CARHSP1: variants seen among roughly 807,000 people sequenced by gnomAD.
The protein encoded by CARHSP1 is calcium regulated heat stable protein 1, also known as calcium-regulated heat-stable protein 1.
Under a neutral mutation model 12.5 loss-of-function variants are expected in CARHSP1, and 14 were observed. The ratio of observed to expected loss-of-function variants is 1.12; its 90% CI spans 0.74 to 1.75. CARHSP1 has a LOEUF of 1.75. CARHSP1 is among the 40% of genes most tolerant of loss of function. The probability of loss-of-function intolerance (pLI) is 0.00; values close to 1 mark genes in which losing one functional copy is unlikely to be tolerated. For missense variants in CARHSP1, 343 were observed against 201.6 expected (o/e 1.70, Z -4.25); for synonymous variants, 161 against 82.0 (o/e 1.96, Z -5.20).
intron 1 of CARHSP1, chr16:8,860,193 G>A (rs1192843372): frequency 2.4e-5 from 24 of 985,368 alleles, no homozygotes; most frequent in Non-Finnish European, 2.9e-5. Flanking sequence ...GCTGTCACAA[G>A]CCTGCACCCA....
chr16:8,858,263 C>T, intron 3 of CARHSP1, 87 bp downstream of exon 3: 2 of 1,483,560 alleles, frequency 1.3e-6, no homozygotes, highest in Non-Finnish European at 1.8e-6. Flanking sequence ...CACCCAGCGC[C>T]CATCAGAGTC....
intron 1 of CARHSP1, among the ~76,000 whole-genome samples, chr16:8,865,510 C>T (rs1017925539): frequency 5.3e-5 from 8 of 152,184 alleles, no homozygotes; most frequent in African/African-American, 1.2e-4. Context: ...CTTGGCAAAG[C>T]GAGAACCTCT....
chr16:8,861,189 TTTTTTTTTTTA>T (rs2061343094), intron 1 of CARHSP1, among the ~76,000 whole-genome samples: 4 of 36,786 alleles, frequency 1.1e-4, no homozygotes, highest in Admixed American at 3.2e-4. Context: ...TTTTTTTTTT[TTTTTTTTTTTA>T]TAGAGACAGG....
chr16:8,860,517 C>T (rs996450926), intron 1 of CARHSP1: 1 of 985,274 alleles, frequency 1.0e-6, no homozygotes, highest in Non-Finnish European at 1.2e-6. Flanking sequence ...AGAAACAGTC[C>T]AGCAGTCAGA....
chr16:8,855,084 G>C lies in CARHSP1; in HGVS notation c.*80C>G. ...GGCTGAAGCCCCGTCTCGTGTGGAA[G>C]AATGTCATCTCCAGTGTCTGCTGCC... is the stretch of plus-strand genomic sequence containing the variant. On this transcript the variant is annotated 3_prime_UTR_variant, in exon 4 of 4. Transcript: ENST00000311052. 7.9e-7 allele frequency: 1 copy of C among 1,269,010 alleles called. No homozygotes were observed. Among genetic ancestry groups the C allele is most frequent in the Non-Finnish European group, 1.1e-6 (1 of 948,298 alleles). The allele number at this position is 1,269,010 out of a possible 1,614,324, so 78.6% of individuals were successfully genotyped here.
At chr16:8,861,357 C>T (rs1435001553) in intron 1 of CARHSP1, among the ~76,000 whole-genome samples, 1 of 151,452 alleles carries the variant, frequency 6.6e-6, no homozygotes, top group Non-Finnish European at 1.5e-5. Flanking sequence ...TCCTCAAAAT[C>T]CAGGTTTCCA....
In CARHSP1 at chr16:8,861,199, T is replaced by TTTTA. The variant is rs1567187143; in HGVS notation, c.-7-1865_-7-1864insTAAA. Among the ~76,000 whole-genome samples the TTTTA allele has an allele frequency of 2.3e-4, 14 of 60,570 alleles. 1 individual carries two copies. Among genetic ancestry groups the TTTTA allele is most frequent in the Non-Finnish European group, 3.6e-4 (11 of 30,854 alleles). The allele number at this position is 60,570 out of a possible 152,430, so 39.7% of individuals were successfully genotyped here. A position where few individuals can be genotyped will look rare whatever the true frequency, so the allele number is the denominator to read the frequency against. On this transcript the variant is annotated intron_variant, in intron 1 of 3. Coordinates refer to ENST00000311052, the MANE Select transcript of CARHSP1 (RefSeq NM_014316.4). ...TTTTTTTTTTTTTTTTTTTTTTTTT[T>TTTTA]ATAGAGACAGGGTATCACTATGTTG...
rs370868676 is a variant in CARHSP1 at position 8,859,350 on chromosome 16, G to T, written c.-7-15C>A. ...ACATGGCTGACCTGGAAAGAGAAGA[G>T]GCTGTCAGGGGCTCGTGCCTTGCAA... On this transcript the variant is annotated splice_polypyrimidine_tract_variant and intron_variant, in intron 1 of 3. Coordinates refer to ENST00000311052, the MANE Select transcript of CARHSP1 (RefSeq NM_014316.4). 1.3e-6 allele frequency: 2 copies of T among 1,592,216 alleles called. No individual in the cohort carries two copies. The highest frequency in any genetic ancestry group is 1.3e-5 in the African/African-American group (1 of 74,090).
At chr16:8,866,492 C>T in intron 1 of CARHSP1, 1 of 985,332 alleles carries the variant, frequency 1.0e-6, no homozygotes, top group Non-Finnish European at 1.2e-6. Context: ...GTCTCCAGCG[C>T]AGCTGAGCCC....
intron 1 of CARHSP1, chr16:8,860,528 G>C (rs563165513): frequency 8.1e-6 from 8 of 985,450 alleles, no homozygotes; most frequent in Non-Finnish European, 8.4e-6. Context: ...AGCAGTCAGA[G>C]GCCCTTGGGT....
intron 1 of CARHSP1, chr16:8,860,521 A>C (rs1192286540): frequency 2.0e-6 from 2 of 985,428 alleles, no homozygotes; most frequent in Non-Finnish European, 2.4e-6. Flanking sequence ...ACAGTCCAGC[A>C]GTCAGAGGCC....
At chr16:8,864,811 AATAGCCTGGGAATTT>A (rs2061428260) in intron 1 of CARHSP1, among the ~76,000 whole-genome samples, 1 of 152,184 alleles carries the variant, frequency 6.6e-6, no homozygotes, top group African/African-American at 2.4e-5. Flanking sequence ...CTCGGCCGAA[AATAGCCTGGGAATTT>A]TCCGTAGGCT....
chr16:8,858,787 C>A, intron 2 of CARHSP1: 2 of 438,434 alleles, frequency 4.6e-6, no homozygotes, highest in Admixed American at 4.0e-5. Flanking sequence ...AAGCATCCTC[C>A]ACTCGCAAGG....
chr16:8,855,156 A>G lies in CARHSP1; in HGVS notation c.*8T>C, dbSNP rs917908391. The G allele has an allele frequency of 6.4e-7, 1 of 1,568,782 alleles. No homozygotes were observed. The highest frequency in any genetic ancestry group is 8.7e-7 in the Non-Finnish European group (1 of 1,153,094). ...CAAGCACAGGACAAGGGGTGCTTCCACCATCTCCTAGGAGCTGATGACATG... is the reference window on the plus strand; with the variant it reads ...CAAGCACAGGACAAGGGGTGCTTCCGCCATCTCCTAGGAGCTGATGACATG... On this transcript the variant is annotated 3_prime_UTR_variant, in exon 4 of 4. Coordinates refer to ENST00000311052, the MANE Select transcript of CARHSP1 (RefSeq NM_014316.4).
intron 2 of CARHSP1, 133 bp from the exon 3 acceptor site, chr16:8,858,605 G>A (rs761043692): frequency 5.9e-5 from 66 of 1,119,272 alleles, no homozygotes; most frequent in Non-Finnish European, 7.9e-5. Flanking sequence ...ACAGGCTGAG[G>A]ACTGCACAAC....
Position 8,859,389 on chromosome 16 carries a change from T to G in CARHSP1, c.-7-54A>C, listed in dbSNP as rs2061269749. 4.0e-6 allele frequency: 6 copies of G among 1,505,452 alleles called. No individual in the cohort carries two copies. In the Admixed American group the frequency reaches 7.6e-5, roughly 19 times the overall value. 93.3% of individuals were successfully genotyped at this position (1,505,452 alleles called of 1,614,324 possible). On this transcript the variant is annotated intron_variant, in intron 1 of 3. Coordinates refer to ENST00000311052, the MANE Select transcript of CARHSP1 (RefSeq NM_014316.4). The stretch of plus-strand genomic sequence containing the variant: ...CGTGCCTTGCAAGGTAGGGACCCTG[T>G]GCTTACCCCCATGTCCACGTCTGAC...
intron 1 of CARHSP1, among the ~76,000 whole-genome samples, chr16:8,864,854 A>G (rs1262346999): frequency 6.6e-6 from 1 of 152,212 alleles, no homozygotes; most frequent in Admixed American, 6.5e-5. Context: ...TCCTCCTGGA[A>G]GGTTCTGGAG....
chr16:8,858,531 A>T, intron 2 of CARHSP1, 59 bp from the exon 3 acceptor site: 1 of 1,585,700 alleles, frequency 6.3e-7, no homozygotes, highest in Non-Finnish European at 8.6e-7. Context: ...CACAAAGCTC[A>T]TTCCAGCCCC....
intron 1 of CARHSP1, chr16:8,860,193 G>C: frequency 1.0e-6 from 1 of 985,486 alleles, no homozygotes; most frequent in African/African-American, 1.7e-5. Flanking sequence ...GCTGTCACAA[G>C]CCTGCACCCA....
Sources: gnomAD v4.1 joint callset for allele counts (sites outside exome capture counted in the v4.1 genomes callset) on GRCh38, gnomAD v4.1.1 for gene constraint, MANE v1.5 for transcripts, NCBI Gene and HGNC (gene_info 2026-07-23, HGNC 2026-07-21) for gene names.